The following MNAT1 variants were observed in gnomAD, a reference collection of about 807,000 sequenced individuals.
MNAT1 encodes the protein CDK-activating kinase assembly factor MAT1.
Under a neutral mutation model 42.0 loss-of-function variants are expected in MNAT1, and 43 were observed. That is an observed-to-expected ratio of 1.02 (90% confidence interval 0.80 to 1.32). The LOEUF (loss-of-function observed/expected upper bound fraction) is 1.32, where lower values mean the gene tolerates loss of function less well. Among genes scored for constraint, MNAT1 ranks in the 40% most tolerant of loss-of-function variants. MNAT1 has a pLI of 0.00. For missense variants in MNAT1, 306 were observed against 350.4 expected (o/e 0.87, Z 1.01); for synonymous variants, 118 against 120.0 (o/e 0.98, Z 0.11).
At chr14:60,874,764 T>C (rs889984985) in intron 6 of MNAT1, among the ~76,000 whole-genome samples, 1 of 152,164 alleles carries the variant, frequency 6.6e-6, no homozygotes, top group Admixed American at 6.6e-5. Context: ...CCTTACTGTT[T>C]GGGTGGAAAT....
chr14:60,783,233 G>A (rs1323113910), intron 1 of MNAT1, among the ~76,000 whole-genome samples: 2 of 152,158 alleles, frequency 1.3e-5, no homozygotes, highest in Non-Finnish European at 2.9e-5. Flanking sequence ...GTGGGGTTTG[G>A]CTAGACCTGT....
Position 60,783,226 on chromosome 14 carries a change from G to A in MNAT1, c.90-12991G>A, listed in dbSNP as rs79952571. Among the ~76,000 whole-genome samples the A allele has an allele frequency of 2.6e-4, 39 of 152,242 alleles. 1 individual carries two copies. The East Asian group carries it at 7.5e-3, about 29-fold the overall frequency. On this transcript the variant is annotated intron_variant, in intron 1 of 7. Coordinates refer to ENST00000261245, the MANE Select transcript of MNAT1 (RefSeq NM_002431.4). ...GAGATCTCCTGGTTCTGAAGCTGTGGGGTTTGGCTAGACCTGTAACATTCT... is the reference window on the plus strand; with the variant it reads ...GAGATCTCCTGGTTCTGAAGCTGTGAGGTTTGGCTAGACCTGTAACATTCT...
intron 7 of MNAT1, among the ~76,000 whole-genome samples, chr14:60,933,437 G>A (rs2035927903): frequency 6.6e-6 from 1 of 152,122 alleles, no homozygotes; most frequent in Non-Finnish European, 1.5e-5. Flanking sequence ...AGCAAACAAA[G>A]TAGCGGGTAA....
chr14:60,795,892 G>A (rs952379579), intron 1 of MNAT1, among the ~76,000 whole-genome samples: 11 of 152,172 alleles, frequency 7.2e-5, no homozygotes, highest in Non-Finnish European at 1.2e-4. Context: ...TGGGACTGGG[G>A]ATGGAGGTGA....
At chr14:60,761,922 T>G (rs1298920878) in intron 1 of MNAT1, among the ~76,000 whole-genome samples, 1 of 152,218 alleles carries the variant, frequency 6.6e-6, no homozygotes, top group Non-Finnish European at 1.5e-5. Flanking sequence ...GTTTGACAGT[T>G]TTTAGCATAT....
At chr14:60,831,378 C>A (rs979449084) in intron 6 of MNAT1, among the ~76,000 whole-genome samples, 23 of 152,092 alleles carry the variant, frequency 1.5e-4, no homozygotes, top group African/African-American at 5.6e-4. Context: ...CTCCCTGTGT[C>A]CATGTGTTCT....
In MNAT1 at chr14:60,941,167, G is replaced by C. The variant is rs145362909; in HGVS notation, c.810-27062G>C. On this transcript the variant is annotated intron_variant, in intron 7 of 7. Coordinates refer to ENST00000261245, the MANE Select transcript of MNAT1 (RefSeq NM_002431.4). ...ATAATAAACAATGGTGAATTTAACAGATCAAAAATTCATTTAATTGTATTA... is the reference window on the plus strand; with the variant it reads ...ATAATAAACAATGGTGAATTTAACACATCAAAAATTCATTTAATTGTATTA... Among the ~76,000 whole-genome samples, 30 of 152,278 alleles carry C rather than the reference G, an allele frequency of 2.0e-4. No individual in the cohort carries two copies. The East Asian group carries it at 5.6e-3, about 28-fold the overall frequency.
At chr14:60,920,645 G>T (rs938870457) in intron 7 of MNAT1, among the ~76,000 whole-genome samples, 1 of 151,978 alleles carries the variant, frequency 6.6e-6, no homozygotes, top group African/African-American at 2.4e-5. Context: ...GTTTCACCAT[G>T]TTGGCCAGGT....
chr14:60,850,143 A>G (rs2033788198), intron 6 of MNAT1, among the ~76,000 whole-genome samples: 1 of 152,128 alleles, frequency 6.6e-6, no homozygotes, highest in Non-Finnish European at 1.5e-5. Context: ...GGCCTTATTT[A>G]GTTTCTTTAA....
At chr14:60,769,283 T>TA (rs1279136947) in intron 1 of MNAT1, among the ~76,000 whole-genome samples, 2 of 151,798 alleles carry the variant, frequency 1.3e-5, no homozygotes, top group African/African-American at 2.4e-5. Context: ...AGATATATTT[T>TA]AAAAAATTTG....
intron 7 of MNAT1, among the ~76,000 whole-genome samples, chr14:60,909,520 C>CCAGTTT (rs2035296154): frequency 1.3e-5 from 2 of 152,154 alleles, no homozygotes; most frequent in African/African-American, 4.8e-5. Context: ...AGGAAGGGCT[C>CCAGTTT]CAGTTTCAGC....
intron 7 of MNAT1, among the ~76,000 whole-genome samples, chr14:60,939,744 A>T (rs536393142): frequency 1.3e-5 from 2 of 152,170 alleles, no homozygotes; most frequent in African/African-American, 4.8e-5. Context: ...GATGTCTATT[A>T]GGTCTGCTTG....
chr14:60,849,932 G>A (rs1000768655), intron 6 of MNAT1, among the ~76,000 whole-genome samples: 8 of 151,812 alleles, frequency 5.3e-5, no homozygotes, highest in African/African-American at 7.3e-5. Context: ...CCCATCTCAC[G>A]TTCAAGTGGT....
chr14:60,808,455 T>A, intron 4 of MNAT1, 27 bp downstream of exon 4: 1 of 1,339,820 alleles, frequency 7.5e-7, no homozygotes, highest in Non-Finnish European at 1.0e-6. Context: ...TTTCTTCTTA[T>A]TTTGTCTTAG....
chr14:60,865,497 A>G (rs1471598774), intron 6 of MNAT1, among the ~76,000 whole-genome samples: 1 of 152,170 alleles, frequency 6.6e-6, no homozygotes, highest in Non-Finnish European at 1.5e-5. Flanking sequence ...CTTTTAAAGG[A>G]GGCAGGTTTT....
At chr14:60,905,426 A>G (rs1303515322) in intron 7 of MNAT1, among the ~76,000 whole-genome samples, 1 of 152,254 alleles carries the variant, frequency 6.6e-6, no homozygotes, top group African/African-American at 2.4e-5. Flanking sequence ...TTCCAGAGAA[A>G]GAATCAATAG....
At chr14:60,906,445 A>G (rs776535507) in intron 7 of MNAT1, among the ~76,000 whole-genome samples, 17 of 152,170 alleles carry the variant, frequency 1.1e-4, no homozygotes, top group Non-Finnish European at 1.3e-4. Flanking sequence ...GAATGCAAGA[A>G]AATTTGCAGT....
At chr14:60,917,365 A>G (rs1475733416) in intron 7 of MNAT1, among the ~76,000 whole-genome samples, 1 of 152,202 alleles carries the variant, frequency 6.6e-6, no homozygotes, top group Non-Finnish European at 1.5e-5. Flanking sequence ...AAATAATTTT[A>G]CATTGTTTTT....
intron 6 of MNAT1, among the ~76,000 whole-genome samples, chr14:60,842,156 A>G (rs1407388942): frequency 6.6e-6 from 1 of 152,210 alleles, no homozygotes; most frequent in East Asian, 1.9e-4. Flanking sequence ...ATTCATTTAC[A>G]TATATTTTTC....
Sources: allele counts gnomAD v4.1 joint callset (sites outside exome capture counted in the v4.1 genomes callset), GRCh38; gene constraint gnomAD v4.1.1; transcripts MANE v1.5; gene names NCBI Gene and HGNC (gene_info 2026-07-23, HGNC 2026-07-21).